Variants in YJU2B observed in about 807,000 individuals in gnomAD.
YJU2B encodes YJU2 splicing factor homolog B, also known as probable splicing factor YJU2B.
A neutral mutation model predicts 38.0 loss-of-function variants in YJU2B; 18 were observed. The observed-to-expected ratio is 0.47, with a 90% confidence interval of 0.33 to 0.70. The LOEUF (loss-of-function observed/expected upper bound fraction) is 0.70, where lower values mean the gene tolerates loss of function less well. YJU2B is among the 30% of genes least tolerant of loss of function. YJU2B has a pLI of 0.02. For missense variants in YJU2B, 538 were observed against 556.3 expected, an observed-to-expected ratio of 0.97 and a Z score of 0.33; for synonymous variants, 246 against 225.4, an observed-to-expected ratio of 1.09 and a Z score of -0.82.
At chr19:13,736,121 A>G (rs995263888) in intron 2 of YJU2B, among the ~76,000 whole-genome samples, 4 of 152,086 alleles carry the variant, frequency 2.6e-5, no homozygotes, top group African/African-American at 9.7e-5. Context: ...AGTCTGGAAT[A>G]TAGGAATATC....
rs1470692276 is a variant in YJU2B at position 13,763,078 on chromosome 19, A to C, written c.*10A>C. 1 of 1,533,866 alleles carries C rather than the reference A, an allele frequency of 6.5e-7. No individual in the cohort carries two copies. Among genetic ancestry groups the C allele is most frequent in the Admixed American group, 2.0e-5 (1 of 49,960 alleles). ...CTCGGAGAGTGAGTGAGCGATCCCCATCCTGGAGACTGGACCCGCTCTAGA... is the reference window on the plus strand; with the variant it reads ...CTCGGAGAGTGAGTGAGCGATCCCCCTCCTGGAGACTGGACCCGCTCTAGA... On this transcript the variant is annotated 3_prime_UTR_variant, in exon 10 of 10. Coordinates refer to ENST00000221554, the MANE Select transcript of YJU2B (RefSeq NM_030818.4).
intron 2 of YJU2B, among the ~76,000 whole-genome samples, chr19:13,735,848 C>G (rs575287471): frequency 1.4e-5 from 2 of 146,536 alleles, no homozygotes; most frequent in South Asian, 4.2e-4. Flanking sequence ...GTCAGGAGAT[C>G]GAGGCCATCC....
chr19:13,756,001 C>T (rs149679803), intron 3 of YJU2B, among the ~76,000 whole-genome samples, 196 bp from the exon 4 acceptor site: 2 of 152,182 alleles, frequency 1.3e-5, no homozygotes, highest in African/African-American at 4.8e-5. Flanking sequence ...TTCAAACTCA[C>T]GTTCCTGGTT....
intron 8 of YJU2B, among the ~76,000 whole-genome samples, chr19:13,762,078 C>T (rs1442769512): frequency 6.6e-6 from 1 of 152,096 alleles, no homozygotes; most frequent in East Asian, 1.9e-4. Flanking sequence ...ATCTGTAGTA[C>T]TGGATACTTG....
rs112210907 is a variant in YJU2B, at chr19:13,736,298, G to A, written c.-202+4013G>A. Among the ~76,000 whole-genome samples the A allele has an allele frequency of 6.2e-3, 748 of 121,114 alleles. 3 individuals are homozygous for A. Among genetic ancestry groups the A allele is most frequent in the Non-Finnish European group, 6.7e-3 (420 of 63,006 alleles). The allele number at this position is 121,114 out of a possible 152,430, so 79.5% of individuals were successfully genotyped here. ...TTTTGTGACGGAGTTTGACTCTGTCGCTCAGGCTGGAGTGCAGTGGCACAA... is the reference window on the plus strand; with the variant it reads ...TTTTGTGACGGAGTTTGACTCTGTCACTCAGGCTGGAGTGCAGTGGCACAA... On this transcript the variant is annotated intron_variant, in intron 2 of 10. Coordinates refer to the YJU2B transcript ENST00000586600.
rs755311023 is a variant in YJU2B at position 13,762,847 on chromosome 19, G to C, written c.970G>C (p.Glu324Gln). 1 of 1,607,200 alleles carries C rather than the reference G, an allele frequency of 6.2e-7. No homozygotes were observed. The highest frequency in any genetic ancestry group is 1.1e-5 in the South Asian group (1 of 90,296). The change falls in exon 10 of 10, where the codon GAG becomes CAG. Residue 324 changes from glutamate to glutamine, a missense_variant. Glu to Gln is a conservative substitution (Grantham distance 29). Coordinates refer to ENST00000221554, the MANE Select transcript of YJU2B (RefSeq NM_030818.4). ...GTCTGGGGAACCGCGGGTACCAGAG[G>C]AGGCTGCCCAGGACCGGCCCATGTC... ...PKSGEPRVPE[E>Q]AAQDRPMSPG...
chr19:13,757,532 A>C, intron 5 of YJU2B, 59 bp downstream of exon 5: 2 of 914,696 alleles, frequency 2.2e-6, no homozygotes, highest in Non-Finnish European at 3.6e-6. Context: ...TAACTGCTGG[A>C]TGCCGCCGGG....
At chr19:13,746,210 C>G (rs1033532390), upstream of YJU2B, among the ~76,000 whole-genome samples, 6 of 151,952 alleles carry the variant, frequency 3.9e-5, no homozygotes, top group African/African-American at 1.5e-4. Context: ...TGAGACCACA[C>G]CACTGCACTC....
In YJU2B at chr19:13,758,861, C is replaced by T; in HGVS notation, c.258-7C>T. The T allele has an allele frequency of 6.2e-7, 1 of 1,613,764 alleles. No individual in the cohort carries two copies. The highest frequency in any genetic ancestry group is 8.5e-7 in the Non-Finnish European group (1 of 1,179,992). ...CCTCCTGACTCCTGCCCACCGCTCC[C>T]TCCCAGGTTCCGGATGAAATGCCAC... On this transcript the variant is annotated splice_polypyrimidine_tract_variant and splice_region_variant and intron_variant, in intron 6 of 9. Transcript: ENST00000221554.
chr19:13,747,681 C>CA (rs1392364997), upstream of YJU2B: 1 of 152,448 alleles, frequency 6.6e-6, no homozygotes, highest in African/African-American at 2.4e-5. Context: ...AGGGCGGTGC[C>CA]AGGAGGCGGG....
Position 13,752,571 on chromosome 19 carries a change from C to T in YJU2B, c.3+760C>T, listed in dbSNP as rs572614313. Among the ~76,000 whole-genome samples, 67 of 152,206 alleles carry T rather than the reference C, an allele frequency of 4.4e-4. 2 individuals are homozygous for T. The South Asian group carries it at 0.014, about 31-fold the overall frequency. On this transcript the variant is annotated intron_variant, in intron 2 of 9. Transcript: ENST00000221554. ...CTACCCTGGCCAACGTGGTGAAACC[C>T]CGTCTCTACTAAAAATACAAAAATT... is the stretch of plus-strand genomic sequence containing the variant.
At chr19:13,749,116 G>A (rs1973358350) in intron 1 of YJU2B, among the ~76,000 whole-genome samples, 1 of 152,178 alleles carries the variant, frequency 6.6e-6, no homozygotes, top group Admixed American at 6.5e-5. Context: ...CGATTCTCCT[G>A]CCTCAGCCTC....
At chr19:13,751,442 G>T (rs1020150127) in intron 1 of YJU2B, among the ~76,000 whole-genome samples, 166 bp from the exon 2 acceptor site, 2 of 152,254 alleles carry the variant, frequency 1.3e-5, no homozygotes, top group South Asian at 4.1e-4. Context: ...CTGGGCAGCT[G>T]TGGGGTGAGC....
chr19:13,741,619 C>T (rs189097684), intron 2 of YJU2B, among the ~76,000 whole-genome samples: 16 of 151,924 alleles, frequency 1.1e-4, no homozygotes, highest in African/African-American at 3.6e-4. Context: ...TGCCTGTGGT[C>T]CCAACTACTC....
At chr19:13,760,926 G>T (rs1973863746) in intron 8 of YJU2B, among the ~76,000 whole-genome samples, 1 of 152,092 alleles carries the variant, frequency 6.6e-6, no homozygotes, top group African/African-American at 2.4e-5. Flanking sequence ...CCACCACTGT[G>T]CATGGCTAAT....
chr19:13,755,992 T>C (rs188127666), intron 3 of YJU2B, among the ~76,000 whole-genome samples: 82 of 152,200 alleles, frequency 5.4e-4, no homozygotes, highest in Non-Finnish European at 1.1e-3. Context: ...GAGGGACTAT[T>C]CAAACTCACG....
intron 2 of YJU2B, among the ~76,000 whole-genome samples, chr19:13,733,685 C>T (rs1435409265): frequency 6.6e-6 from 1 of 152,146 alleles, no homozygotes; most frequent in Non-Finnish European, 1.5e-5. Flanking sequence ...CATGCCATTG[C>T]ACTCCAACCT....
At position 13,755,128 on chromosome 19, in the gene YJU2B, C is replaced by T. The variant is rs423953; in HGVS notation, c.57+786C>T. 2.7e-3 allele frequency among the ~76,000 whole-genome samples: 404 copies of T among 150,162 alleles called. 2 individuals carry two copies. The highest frequency in any genetic ancestry group is 9.6e-3 in the African/African-American group (390 of 40,700). On this transcript the variant is annotated intron_variant, in intron 3 of 9. Coordinates refer to ENST00000221554, the MANE Select transcript of YJU2B (RefSeq NM_030818.4). The stretch of plus-strand genomic sequence containing the variant: ...GCAGTGAGTCATAATCATACCACTG[C>T]ACCCCAGCCTGGGCTACAGAGCCAG...
intron 8 of YJU2B, chr19:13,759,502 G>T (rs11881138): frequency 0.018 from 8,832 of 485,250 alleles, 668 homozygotes; most frequent in African/African-American, 0.16. Flanking sequence ...AGTGACTCAC[G>T]CCTGTAATCC....
Sources: gnomAD v4.1 joint callset for allele counts (sites outside exome capture counted in the v4.1 genomes callset) on GRCh38, gnomAD v4.1.1 for gene constraint, MANE v1.5 for transcripts, NCBI Gene and HGNC (gene_info 2026-07-23, HGNC 2026-07-21) for gene names.